The following ANKH variants were observed in gnomAD, a reference collection of about 807,000 sequenced individuals.
ANKH encodes ANKH inorganic pyrophosphate transport regulator, also known as mineralization regulator ANKH.
ANKH carries 15 observed loss-of-function variants against 49.0 expected under a neutral mutation model. The observed-to-expected ratio is 0.31, with a 90% CI of 0.20 to 0.47. The LOEUF is 0.47. Ranked by LOEUF, ANKH falls within the 20% of genes least tolerant of loss-of-function variation. The pLI, the probability that ANKH is intolerant of heterozygous loss-of-function variation, is 1.00. For synonymous variants in ANKH, 273 were observed against 260.0 expected, an observed-to-expected ratio of 1.05 and a Z score of -0.48; for missense variants, 429 against 652.0, an observed-to-expected ratio of 0.66 and a Z score of 3.72.
chr5:14,846,257 A>C (rs962723886), intron 1 of ANKH, among the ~76,000 whole-genome samples: 1 of 152,190 alleles, frequency 6.6e-6, no homozygotes, highest in African/African-American at 2.4e-5. Flanking sequence ...ATAATCTTAA[A>C]AGATTAAAGA....
intron 1 of ANKH, among the ~76,000 whole-genome samples, chr5:14,819,258 C>T (rs1278219277): frequency 6.6e-6 from 1 of 152,170 alleles, no homozygotes; most frequent in Non-Finnish European, 1.5e-5. Flanking sequence ...TTTTGCATAA[C>T]TCATAAAATA....
At chr5:14,846,735 T>C (rs1346684090) in intron 1 of ANKH, among the ~76,000 whole-genome samples, 1 of 152,170 alleles carries the variant, frequency 6.6e-6, no homozygotes, top group Non-Finnish European at 1.5e-5. Flanking sequence ...CTCACGCCTG[T>C]AATCCCAATA....
chr5:14,763,543 C>T (rs1441993430), intron 2 of ANKH, among the ~76,000 whole-genome samples: 2 of 152,162 alleles, frequency 1.3e-5, no homozygotes, highest in Non-Finnish European at 2.9e-5. Context: ...GGATAGGGGG[C>T]ATAAATATCA....
intron 9 of ANKH, among the ~76,000 whole-genome samples, chr5:14,714,354 G>A (rs992187709): frequency 6.6e-6 from 1 of 152,340 alleles, no homozygotes; most frequent in Admixed American, 6.5e-5. Flanking sequence ...TGGAGAGCAC[G>A]GGGCTTGCCC....
At chr5:14,844,559 G>A (rs933480061) in intron 1 of ANKH, among the ~76,000 whole-genome samples, 1 of 152,172 alleles carries the variant, frequency 6.6e-6, no homozygotes, top group Non-Finnish European at 1.5e-5. Context: ...GGGTGTTTTA[G>A]CTACAAGTCA....
In ANKH at chr5:14,871,552, A is replaced by T; in HGVS notation, c.-105T>A. The T allele has an allele frequency of 4.1e-6, 3 of 736,544 alleles. No individual in the cohort carries two copies. The highest frequency in any genetic ancestry group is 7.6e-5 in the South Asian group (2 of 26,436). The allele number at this position is 736,544 out of a possible 1,614,324, so 45.6% of individuals were successfully genotyped here. On this transcript the variant is annotated 5_prime_UTR_variant, in exon 1 of 12. Transcript: ENST00000284268. ...CGGGGCGAGCGGGGCGCGGGCCGAC[A>T]GAGGCCGCGGGCGGCGGGGCCTCGG...
chr5:14,818,534 C>A (rs889057478), intron 1 of ANKH, among the ~76,000 whole-genome samples: 1 of 149,310 alleles, frequency 6.7e-6, no homozygotes, highest in Admixed American at 6.8e-5. Flanking sequence ...CTTAGCTACT[C>A]GGGAGGCTAA....
chr5:14,798,271 T>A, intron 1 of ANKH: 2 of 1,604,114 alleles, frequency 1.2e-6, no homozygotes, highest in East Asian at 4.5e-5. Flanking sequence ...GCAGTTAGGC[T>A]GGGCCACTCC....
At chr5:14,782,049 T>C (rs1317287142) in intron 1 of ANKH, among the ~76,000 whole-genome samples, 4 of 152,120 alleles carry the variant, frequency 2.6e-5, no homozygotes. Context: ...GCCTTAACTG[T>C]GGCTGTGGAC....
At position 14,857,267 on chromosome 5, in the gene ANKH, C is replaced by G. The variant is rs190745476; in HGVS notation, c.96+14085G>C. On this transcript the variant is annotated intron_variant, in intron 1 of 11. Coordinates refer to ENST00000284268, the MANE Select transcript of ANKH (RefSeq NM_054027.6). ...AAACCAATACAGCCCCTGCCCTCCC[C>G]ACAAGTATGCCTAGCCACACATGCA... Among the ~76,000 whole-genome samples the G allele has an allele frequency of 1.6e-3, 240 of 152,294 alleles. 1 individual carries two copies. The highest frequency in any genetic ancestry group is 5.5e-3 in the African/African-American group (228 of 41,544).
Position 14,823,691 on chromosome 5 carries a change from C to T in ANKH, c.96+47661G>A, listed in dbSNP as rs561656225. ...CCTGTAATCCCAGCATTTTGGGAGG[C>T]CAAGGCGGGTGGATCACCTGAGGTC... On this transcript the variant is annotated intron_variant, in intron 1 of 11. Coordinates refer to ENST00000284268, the MANE Select transcript of ANKH (RefSeq NM_054027.6). Among the ~76,000 whole-genome samples, 14 of 152,306 alleles carry T rather than the reference C, an allele frequency of 9.2e-5. No individual in the cohort carries two copies. The East Asian group carries it at 2.7e-3, about 29-fold the overall frequency.
Position 14,793,021 on chromosome 5 carries a change from A to T in ANKH, c.97-23830T>A, listed in dbSNP as rs13178749. 1.1e-3 allele frequency among the ~76,000 whole-genome samples: 74 copies of T among 68,306 alleles called. 1 individual carries two copies. Among genetic ancestry groups the T allele is most frequent in the East Asian group, 7.3e-4 (2 of 2,740 alleles). 44.8% of individuals were successfully genotyped at this position (68,306 alleles called of 152,430 possible). ...ATATATATATAAATATATATATATAAATATATATATATAAAAATATATATA... is the reference window on the plus strand; with the variant it reads ...ATATATATATAAATATATATATATATATATATATATATAAAAATATATATA... On this transcript the variant is annotated intron_variant, in intron 1 of 11. Coordinates refer to ENST00000284268, the MANE Select transcript of ANKH (RefSeq NM_054027.6).
Position 14,745,788 on chromosome 5 carries a change from A to G in ANKH, c.915+82T>C, listed in dbSNP as rs1738514246. ...GGGAAGCAGGACTGAGAAGCAACAAAGTGTCCCTCATCAGAGAGCCCTGTC... is the reference window on the plus strand; with the variant it reads ...GGGAAGCAGGACTGAGAAGCAACAAGGTGTCCCTCATCAGAGAGCCCTGTC... On this transcript the variant is annotated intron_variant, in intron 7 of 11. Transcript: ENST00000284268. The surrounding 1 kb of genome is among the most constrained non-coding windows in gnomAD (Gnocchi z 4.7). The G allele has an allele frequency of 2.5e-6, 3 of 1,200,408 alleles. No individual in the cohort carries two copies. The highest frequency in any genetic ancestry group is 2.3e-5 in the East Asian group (1 of 42,864). 74.4% of individuals were successfully genotyped at this position (1,200,408 alleles called of 1,614,324 possible).
At chr5:14,759,093 A>T (rs1738992159) in intron 2 of ANKH, among the ~76,000 whole-genome samples, 1 of 152,156 alleles carries the variant, frequency 6.6e-6, no homozygotes, top group South Asian at 2.1e-4. Flanking sequence ...CTAAGAGAAA[A>T]TTTCTAGATG....
chr5:14,778,612 G>A (rs1485938354), intron 1 of ANKH, among the ~76,000 whole-genome samples: 1 of 151,890 alleles, frequency 6.6e-6, no homozygotes, highest in African/African-American at 2.4e-5. Flanking sequence ...CCACTCCCTC[G>A]ATTCTAAACT....
In ANKH at chr5:14,711,326, CTCA is replaced by C; in HGVS notation, c.1366-19_1366-17del. The C allele has an allele frequency of 6.2e-7, 1 of 1,606,568 alleles. No individual in the cohort carries two copies. Among genetic ancestry groups the C allele is most frequent in the South Asian group, 1.1e-5 (1 of 90,938 alleles). Reference sequence around the variant, plus strand: ...TCTTCTTTTTCTAGACCAAAGAAGACTCATCAGTGTGGGGCTGTGGATGGGGAC... The same window carrying C: ...TCTTCTTTTTCTAGACCAAAGAAGACTCAGTGTGGGGCTGTGGATGGGGAC... On this transcript the variant is annotated splice_polypyrimidine_tract_variant and intron_variant, in intron 11 of 11. Coordinates refer to ENST00000284268, the MANE Select transcript of ANKH (RefSeq NM_054027.6).
intron 4 of ANKH, 105 bp downstream of exon 4, chr5:14,755,756 G>T: frequency 9.3e-7 from 1 of 1,074,180 alleles, no homozygotes; most frequent in Non-Finnish European, 1.4e-6. Flanking sequence ...AAACCAGGTC[G>T]AATGCAGAGT....
intron 1 of ANKH, among the ~76,000 whole-genome samples, chr5:14,812,058 T>C (rs1202072466): frequency 6.7e-6 from 1 of 149,502 alleles, no homozygotes; most frequent in East Asian, 2.0e-4. Context: ...CTTTATAAAA[T>C]TCTTGCTGAG....
intron 1 of ANKH, among the ~76,000 whole-genome samples, chr5:14,800,130 G>A (rs1450406312): frequency 6.6e-6 from 1 of 152,190 alleles, no homozygotes; most frequent in Non-Finnish European, 1.5e-5. Context: ...GGTAGAAATA[G>A]CAAGAGAACT....
Sources: allele counts gnomAD v4.1 joint callset (sites outside exome capture counted in the v4.1 genomes callset), GRCh38; gene constraint gnomAD v4.1.1; non-coding constraint Gnocchi (gnomAD v3.1); transcripts MANE v1.5; gene names NCBI Gene and HGNC (gene_info 2026-07-23, HGNC 2026-07-21).